ANKS1B: variants seen among roughly 807,000 people sequenced by gnomAD.
ANKS1B encodes ankyrin repeat and sterile alpha motif domain containing 1B.
A neutral mutation model predicts 148.3 loss-of-function variants in ANKS1B; 36 were observed. The observed-to-expected ratio is 0.24, with a 90% CI of 0.19 to 0.32. The LOEUF is 0.32. Ranked by LOEUF, ANKS1B falls within the 10% of genes least tolerant of loss-of-function variation. The probability of loss-of-function intolerance (pLI) is 1.00; values close to 1 mark genes in which losing one functional copy is unlikely to be tolerated. For missense variants in ANKS1B, 1,157 were observed against 1,542.6 expected, an observed-to-expected ratio of 0.75 and a Z score of 4.19; for synonymous variants, 542 against 560.8, an observed-to-expected ratio of 0.97 and a Z score of 0.47.
chr12:99,858,847 A>C (rs1311917771), intron 1 of ANKS1B, among the ~76,000 whole-genome samples: 1 of 152,040 alleles, frequency 6.6e-6, no homozygotes, highest in Admixed American at 6.5e-5. Context: ...AGGCCTAAGA[A>C]TGATACAATG....
intron 8 of ANKS1B, among the ~76,000 whole-genome samples, chr12:99,687,444 T>C (rs905032126): frequency 1.3e-5 from 2 of 152,208 alleles, no homozygotes; most frequent in Admixed American, 1.3e-4. Context: ...CTTCCCTCCC[T>C]TTCAGGATGT....
chr12:99,361,264 C>T (rs77489685), intron 12 of ANKS1B, among the ~76,000 whole-genome samples: 1,906 of 150,612 alleles, frequency 0.013, 37 homozygotes, highest in African/African-American at 0.043. Flanking sequence ...TATGTAACCA[C>T]AAACATTAAA....
intron 8 of ANKS1B, among the ~76,000 whole-genome samples, chr12:99,741,198 C>T (rs1168786017): frequency 7.6e-6 from 1 of 131,792 alleles, no homozygotes; most frequent in African/African-American, 2.9e-5. Flanking sequence ...CAGAGCTAGG[C>T]TCCGTCAAAC....
At chr12:99,741,558 T>C (rs761904085) in intron 8 of ANKS1B, among the ~76,000 whole-genome samples, 53 of 152,214 alleles carry the variant, frequency 3.5e-4, no homozygotes, top group Non-Finnish European at 5.9e-4. Flanking sequence ...TGGAATACTA[T>C]GCGGCCATAA....
intron 17 of ANKS1B, among the ~76,000 whole-genome samples, chr12:98,832,397 T>C (rs1273436294): frequency 1.3e-5 from 2 of 152,066 alleles, no homozygotes; most frequent in South Asian, 2.1e-4. Context: ...TCATTCCCAA[T>C]GCAGCAGCCT....
chr12:99,158,670 G>A (rs931201923), intron 14 of ANKS1B, among the ~76,000 whole-genome samples: 5 of 151,334 alleles, frequency 3.3e-5, no homozygotes, highest in African/African-American at 7.3e-5. Context: ...AGCATATAAT[G>A]TAAAAATGTT....
chr12:98,940,649 A>C (rs1203164314), intron 17 of ANKS1B, among the ~76,000 whole-genome samples: 3 of 152,174 alleles, frequency 2.0e-5, no homozygotes, highest in Admixed American at 2.0e-4. Flanking sequence ...TGGTGTCTGT[A>C]CTATTTATTT....
chr12:99,413,201 T>A (rs2094777286), intron 11 of ANKS1B, among the ~76,000 whole-genome samples: 1 of 152,206 alleles, frequency 6.6e-6, no homozygotes, highest in Non-Finnish European at 1.5e-5. Flanking sequence ...AAAGTAGCTA[T>A]TACTCTTTCC....
At chr12:99,072,926 G>T (rs569619430) in intron 16 of ANKS1B, among the ~76,000 whole-genome samples, 9 of 152,156 alleles carry the variant, frequency 5.9e-5, no homozygotes, top group African/African-American at 2.2e-4. Context: ...GCAGTAAGTG[G>T]TTTAAAAATA....
chr12:99,160,637 C>T (rs2076566411), intron 14 of ANKS1B, among the ~76,000 whole-genome samples: 1 of 151,992 alleles, frequency 6.6e-6, no homozygotes, highest in Admixed American at 6.6e-5. Context: ...CATGAGCCAC[C>T]ACGCCCAGCC....
chr12:99,885,012 T>A (rs539160441), intron 1 of ANKS1B, among the ~76,000 whole-genome samples: 1 of 152,064 alleles, frequency 6.6e-6, no homozygotes, highest in South Asian at 2.1e-4. Flanking sequence ...TCACTTAATA[T>A]AGAGCTTTGG....
intron 1 of ANKS1B, among the ~76,000 whole-genome samples, chr12:99,982,412 T>G (rs1276635498): frequency 6.6e-6 from 1 of 152,124 alleles, no homozygotes; most frequent in African/African-American, 2.4e-5. Flanking sequence ...CAAGGAGTGT[T>G]TTTAAAATAC....
intron 1 of ANKS1B, among the ~76,000 whole-genome samples, chr12:99,935,121 C>T (rs2094727353): frequency 6.6e-6 from 1 of 152,058 alleles, no homozygotes; most frequent in Non-Finnish European, 1.5e-5. Flanking sequence ...ATAAATTACA[C>T]TTGATATTCA....
chr12:99,131,654 C>T (rs536106486), intron 15 of ANKS1B, among the ~76,000 whole-genome samples: 2 of 152,312 alleles, frequency 1.3e-5, no homozygotes, highest in East Asian at 1.9e-4. Flanking sequence ...TCTTCTGAGA[C>T]TGTAAATTAT....
At chr12:99,507,003 T>G (rs554281355) in intron 9 of ANKS1B, among the ~76,000 whole-genome samples, 25 of 152,076 alleles carry the variant, frequency 1.6e-4, no homozygotes, top group African/African-American at 5.3e-4. Flanking sequence ...GTCCTGCCAA[T>G]AGTTGATGAG....
At chr12:99,646,748 G>A (rs959066777) in intron 9 of ANKS1B, among the ~76,000 whole-genome samples, 2 of 147,574 alleles carry the variant, frequency 1.4e-5, no homozygotes, top group Non-Finnish European at 3.0e-5. Flanking sequence ...CATGTGTACT[G>A]TCATTTCAAT....
chr12:98,812,152 TCA>T (rs144970007), intron 19 of ANKS1B, among the ~76,000 whole-genome samples: 244 of 152,330 alleles, frequency 1.6e-3, no homozygotes, highest in African/African-American at 5.7e-3. Flanking sequence ...TAACGATGTT[TCA>T]GTCAACGACA....
chr12:99,249,358 C>T (rs1000320237), intron 12 of ANKS1B, among the ~76,000 whole-genome samples: 1 of 152,058 alleles, frequency 6.6e-6, no homozygotes, highest in Non-Finnish European at 1.5e-5. Flanking sequence ...ATTAGGTTAC[C>T]ATCCCCTCTG....
intron 14 of ANKS1B, among the ~76,000 whole-genome samples, chr12:99,172,188 G>A (rs1161656044): frequency 6.6e-6 from 1 of 152,130 alleles, no homozygotes; most frequent in Non-Finnish European, 1.5e-5. Context: ...TACTTCAAAG[G>A]TTATATGTGC....
Sources: gnomAD v4.1 joint callset for allele counts (sites outside exome capture counted in the v4.1 genomes callset) on GRCh38, gnomAD v4.1.1 for gene constraint, MANE v1.5 for transcripts, NCBI Gene and HGNC (gene_info 2026-07-23, HGNC 2026-07-21) for gene names.